The following EYS variants were observed in gnomAD, a reference collection of about 807,000 sequenced individuals.
EYS encodes the protein EGF-like photoreceptor maintenance factor.
In EYS, 250 loss-of-function variants were observed where a neutral mutation model predicts 282.1. That is an observed-to-expected ratio of 0.89 (90% CI 0.80 to 0.98). The LOEUF (loss-of-function observed/expected upper bound fraction) is 0.98. EYS is among the 50% of genes least tolerant of loss of function. The pLI is 0.00. For synonymous variants in EYS, 1,355 were observed against 1,282.9 expected (o/e 1.06, Z -1.20); for missense variants, 4,016 against 3,709.0 (o/e 1.08, Z -2.15).
At chr6:63,936,379 TC>T (rs34746841) in intron 35 of EYS, among the ~76,000 whole-genome samples, 1 of 152,238 alleles carries the variant, frequency 6.6e-6, no homozygotes, top group Admixed American at 6.5e-5. Context: ...ATTGATTACA[TC>T]CCTGGATCAT....
intron 5 of EYS, among the ~76,000 whole-genome samples, chr6:65,437,598 T>C (rs950971376): frequency 6.6e-6 from 1 of 152,202 alleles, no homozygotes; most frequent in African/African-American, 2.4e-5. Flanking sequence ...TAATATAACT[T>C]AAAATTTTAA....
intron 2 of EYS, among the ~76,000 whole-genome samples, chr6:65,545,563 T>C (rs1010036155): frequency 3.3e-5 from 5 of 152,194 alleles, no homozygotes; most frequent in Non-Finnish European, 1.5e-5. Flanking sequence ...GGTTATGTTA[T>C]AATTACAAGA....
chr6:65,505,143 C>T (rs1443398461), intron 2 of EYS, among the ~76,000 whole-genome samples: 1 of 151,796 alleles, frequency 6.6e-6, no homozygotes, highest in Non-Finnish European at 1.5e-5. Flanking sequence ...GTTTGTGTCA[C>T]TCAAGAAATT....
intron 2 of EYS, among the ~76,000 whole-genome samples, chr6:65,577,250 A>G (rs1764703219): frequency 6.6e-6 from 1 of 151,844 alleles, no homozygotes. Context: ...GTCCAATGGA[A>G]CAGAATAGAA....
chr6:64,567,162 T>A (rs1040481902), intron 26 of EYS, among the ~76,000 whole-genome samples: 2 of 151,728 alleles, frequency 1.3e-5, no homozygotes, highest in African/African-American at 4.8e-5. Context: ...AAAAAAAAAA[T>A]TCCTACCAAA....
chr6:64,111,597 T>C (rs868485381), intron 31 of EYS, among the ~76,000 whole-genome samples: 3 of 152,034 alleles, frequency 2.0e-5, no homozygotes, highest in African/African-American at 7.2e-5. Context: ...ATAGTCATTG[T>C]GGAGATAGGG....
intron 31 of EYS, among the ~76,000 whole-genome samples, chr6:64,215,601 T>A (rs984296176): frequency 4.6e-5 from 7 of 152,130 alleles, no homozygotes; most frequent in Non-Finnish European, 1.0e-4. Flanking sequence ...TACCAAGGTA[T>A]TTGCCAAATA....
intron 13 of EYS, among the ~76,000 whole-genome samples, chr6:65,025,761 G>A (rs929705983): frequency 6.6e-6 from 1 of 152,120 alleles, no homozygotes; most frequent in Non-Finnish European, 1.5e-5. Context: ...CTTGCTTCCT[G>A]AATCTTGAAT....
intron 12 of EYS, among the ~76,000 whole-genome samples, chr6:65,186,525 A>T (rs74448397): frequency 4.0e-4 from 61 of 151,884 alleles, no homozygotes; most frequent in African/African-American, 1.4e-3. Context: ...TGGGGATTGA[A>T]CTATACAACA....
chr6:64,695,699 A>G (rs1770555184), intron 22 of EYS, among the ~76,000 whole-genome samples: 1 of 150,554 alleles, frequency 6.6e-6, no homozygotes, highest in East Asian at 2.0e-4. Flanking sequence ...ATTCTCCTGC[A>G]TCAGCCTCAC....
At chr6:65,031,851 G>A (rs114890529) in intron 13 of EYS, among the ~76,000 whole-genome samples, 2,236 of 141,662 alleles carry the variant, frequency 0.016, 69 homozygotes, top group African/African-American at 0.059. Context: ...AAACCTGAAA[G>A]TTAGCAGAAA....
At chr6:64,518,779 G>GCC (rs10626520) in intron 26 of EYS, among the ~76,000 whole-genome samples, 2,011 of 146,704 alleles carry the variant, frequency 0.014, 15 homozygotes, top group East Asian at 0.035. Context: ...GTTTATAAGG[G>GCC]GCCCCCCCCT....
chr6:64,412,477 G>T (rs1011639208), intron 28 of EYS, among the ~76,000 whole-genome samples: 32 of 152,102 alleles, frequency 2.1e-4, no homozygotes, highest in Non-Finnish European at 3.8e-4. Flanking sequence ...TATTGGGGTT[G>T]GTAGAGATAT....
intron 6 of EYS, 125 bp downstream of exon 6, chr6:65,405,049 T>C: frequency 1.5e-6 from 1 of 684,546 alleles, no homozygotes; most frequent in East Asian, 2.8e-5. Flanking sequence ...AGACCGTTCT[T>C]GTTCGTCTGA....
At chr6:65,330,522 G>T in intron 11 of EYS, 10 of 984,078 alleles carry the variant, frequency 1.0e-5, no homozygotes, top group Non-Finnish European at 1.2e-5. Context: ...AAAATTTTTT[G>T]AAGATTTCAG....
chr6:65,240,227 C>A lies in EYS; in HGVS notation c.2023+55636G>T, dbSNP rs6905807. On this transcript the variant is annotated intron_variant, in intron 12 of 42. Transcript: ENST00000503581. ...TTGTGATCCACCCGTCTTGGCCTCC[C>A]AAAGTGCTGGGATTACAGACATGAG... Among the ~76,000 whole-genome samples the A allele has an allele frequency of 1.6e-4, 24 of 151,980 alleles. 1 individual carries two copies. Among genetic ancestry groups the A allele is most frequent in the African/African-American group, 5.3e-4 (22 of 41,398 alleles).
At chr6:65,577,515 GT>G (rs1764714423) in intron 2 of EYS, among the ~76,000 whole-genome samples, 1 of 151,730 alleles carries the variant, frequency 6.6e-6, no homozygotes, top group Non-Finnish European at 1.5e-5. Flanking sequence ...ATTAGTCAGG[GT>G]AATAATGTTT....
At chr6:63,967,571 A>G (rs992864776) in intron 35 of EYS, among the ~76,000 whole-genome samples, 1 of 152,102 alleles carries the variant, frequency 6.6e-6, no homozygotes, top group African/African-American at 2.4e-5. Context: ...TGTGATCCTG[A>G]CACAAGTGAC....
At chr6:64,160,011 A>C (rs1383870877) in intron 31 of EYS, among the ~76,000 whole-genome samples, 1 of 152,192 alleles carries the variant, frequency 6.6e-6, no homozygotes, top group African/African-American at 2.4e-5. Context: ...TGAGGTACAA[A>C]CAGGTAGCTC....
Sources: gnomAD v4.1 joint callset for allele counts (sites outside exome capture counted in the v4.1 genomes callset) on GRCh38, gnomAD v4.1.1 for gene constraint, MANE v1.5 for transcripts, NCBI Gene and HGNC (gene_info 2026-07-23, HGNC 2026-07-21) for gene names.